PRR16: variants seen among roughly 807,000 people sequenced by gnomAD.
PRR16 encodes the protein protein Largen.
PRR16 carries 6 observed loss-of-function variants against 18.2 expected under a neutral mutation model. That is an observed-to-expected ratio of 0.33 (90% CI 0.18 to 0.65). The LOEUF (loss-of-function observed/expected upper bound fraction) is 0.65. Among genes scored for constraint, PRR16 ranks in the 30% least tolerant of loss-of-function variants. PRR16 has a pLI of 0.74. For missense variants in PRR16, 412 were observed against 376.6 expected (o/e 1.09, Z -0.78); for synonymous variants, 151 against 147.8 (o/e 1.02, Z -0.16).
intron 1 of PRR16, among the ~76,000 whole-genome samples, chr5:120,556,727 G>A (rs533252955): frequency 1.2e-3 from 180 of 151,934 alleles, no homozygotes; most frequent in South Asian, 1.2e-3. Context: ...CTTCTTCTGG[G>A]TTGACTAGCC....
chr5:120,683,377 C>G (rs1412086025), intron 1 of PRR16, among the ~76,000 whole-genome samples: 1 of 151,310 alleles, frequency 6.6e-6, no homozygotes, highest in African/African-American at 2.4e-5. Flanking sequence ...TGGTGGCTGC[C>G]TGTAATCCCA....
chr5:120,475,207 T>C (rs985057647), intron 1 of PRR16, among the ~76,000 whole-genome samples: 8 of 152,166 alleles, frequency 5.3e-5, no homozygotes, highest in African/African-American at 1.9e-4. Context: ...GTGTTGGAGT[T>C]GAACTCCTGA....
the PRR16 span, among the ~76,000 whole-genome samples, chr5:120,759,983 G>A: frequency 2.0e-5 from 3 of 152,172 alleles, no homozygotes; most frequent in Non-Finnish European, 4.4e-5. Context: ...AAGGGGGTGT[G>A]TGTAAAAGGT....
intron 1 of PRR16, among the ~76,000 whole-genome samples, chr5:120,606,335 C>G (rs1002839186): frequency 6.6e-6 from 1 of 152,040 alleles, no homozygotes; most frequent in Non-Finnish European, 1.5e-5. Flanking sequence ...GGCTTTTTGA[C>G]TATTTGACTT....
chr5:120,701,514 A>AG, the PRR16 span, among the ~76,000 whole-genome samples: 37 of 152,098 alleles, frequency 2.4e-4, no homozygotes, highest in African/African-American at 8.9e-4. Flanking sequence ...GCTGGGCAGG[A>AG]GGGGGAGGGC....
In PRR16 at chr5:120,486,716, T is replaced by C. The variant is rs567572951; in HGVS notation, c.159+22071T>C. ...TTTTGGTGTTTTAGACATGAAGTCC[T>C]TGCCCATGTCTCTGTCCTGAATGGT... On this transcript the variant is annotated intron_variant, in intron 1 of 1. Transcript: ENST00000407149. Among the ~76,000 whole-genome samples, 22 of 152,300 alleles carry C rather than the reference T, an allele frequency of 1.4e-4. 1 individual carries two copies. The East Asian group carries it at 4.2e-3, about 29-fold the overall frequency.
At chr5:120,539,057 G>T (rs968732566) in intron 1 of PRR16, among the ~76,000 whole-genome samples, 17 of 152,146 alleles carry the variant, frequency 1.1e-4, no homozygotes, top group African/African-American at 4.1e-4. Context: ...TGAGAAAACA[G>T]AAAGGAGTGG....
chr5:120,749,714 A>T, the PRR16 span, among the ~76,000 whole-genome samples: 1 of 152,178 alleles, frequency 6.6e-6, no homozygotes, highest in Non-Finnish European at 1.5e-5. Flanking sequence ...TTTTATTTTC[A>T]AAGAGCAAGA....
chr5:120,515,358 G>T (rs1452831481), intron 1 of PRR16, among the ~76,000 whole-genome samples: 1 of 152,126 alleles, frequency 6.6e-6, no homozygotes, highest in Non-Finnish European at 1.5e-5. Flanking sequence ...CAACACTTAA[G>T]CTTTGGGAGA....
At chr5:120,494,898 C>A (rs943323925) in intron 1 of PRR16, among the ~76,000 whole-genome samples, 4 of 151,976 alleles carry the variant, frequency 2.6e-5, no homozygotes. Flanking sequence ...CAGTTCTCCA[C>A]CTTTTTGTTG....
the PRR16 span, among the ~76,000 whole-genome samples, chr5:120,754,576 A>T: frequency 5.7e-5 from 3 of 52,448 alleles, no homozygotes; most frequent in East Asian, 1.2e-3. Context: ...ATATATTTAT[A>T]TTTTATATAT....
At chr5:120,675,770 T>C (rs1265052370) in intron 1 of PRR16, among the ~76,000 whole-genome samples, 2 of 152,184 alleles carry the variant, frequency 1.3e-5, no homozygotes, top group African/African-American at 4.8e-5. Flanking sequence ...TAAATTATAA[T>C]TGAATCCAAT....
intron 1 of PRR16, among the ~76,000 whole-genome samples, chr5:120,483,413 G>T (rs1749686844): frequency 6.6e-6 from 1 of 150,846 alleles, no homozygotes; most frequent in African/African-American, 2.4e-5. Flanking sequence ...TCAAAGTAAG[G>T]TTTATGGAAT....
At chr5:120,677,364 C>G (rs1007104344) in intron 1 of PRR16, among the ~76,000 whole-genome samples, 3 of 152,142 alleles carry the variant, frequency 2.0e-5, no homozygotes, top group Non-Finnish European at 2.9e-5. Context: ...ATGTCACTTG[C>G]TATCCTATAT....
chr5:120,705,354 T>G, the PRR16 span, among the ~76,000 whole-genome samples: 1 of 152,076 alleles, frequency 6.6e-6, no homozygotes, highest in Non-Finnish European at 1.5e-5. Flanking sequence ...TCCCTCAAAT[T>G]TTTTTCTATA....
At chr5:120,577,182 A>G (rs1325910012) in intron 1 of PRR16, among the ~76,000 whole-genome samples, 3 of 152,046 alleles carry the variant, frequency 2.0e-5, no homozygotes, top group Admixed American at 6.6e-5. Flanking sequence ...CAAAATCAAT[A>G]TGTGTTCTAA....
At chr5:120,659,891 C>T (rs1350429280) in intron 1 of PRR16, among the ~76,000 whole-genome samples, 1 of 151,968 alleles carries the variant, frequency 6.6e-6, no homozygotes, top group Non-Finnish European at 1.5e-5. Context: ...AGCTGAAACA[C>T]CTTCACATTT....
chr5:120,485,691 C>G (rs1749774308), intron 1 of PRR16, among the ~76,000 whole-genome samples: 2 of 152,002 alleles, frequency 1.3e-5, no homozygotes, highest in Non-Finnish European at 1.5e-5. Flanking sequence ...GGTACATGTG[C>G]ACAACGTGCA....
At chr5:120,640,161 G>A (rs1255303399) in intron 1 of PRR16, among the ~76,000 whole-genome samples, 1 of 151,990 alleles carries the variant, frequency 6.6e-6, no homozygotes, top group Non-Finnish European at 1.5e-5. Context: ...GCAGGTAGCA[G>A]GTCAACAATG....
Sources: gnomAD v4.1 joint callset for allele counts (sites outside exome capture counted in the v4.1 genomes callset) on GRCh38, gnomAD v4.1.1 for gene constraint, MANE v1.5 for transcripts, NCBI Gene and HGNC (gene_info 2026-07-23, HGNC 2026-07-21) for gene names.